The following PARP14 variants were observed in gnomAD, a reference collection of about 807,000 sequenced individuals.
The protein encoded by PARP14 is poly(ADP-ribose) polymerase family member 14.
PARP14 carries 59 observed loss-of-function variants against 154.2 expected under a neutral mutation model. The ratio of observed to expected loss-of-function variants is 0.38; its 90% CI spans 0.31 to 0.48. The LOEUF is 0.48. Ranked by LOEUF, PARP14 falls within the 20% of genes least tolerant of loss-of-function variation. The pLI is 0.98. For synonymous variants in PARP14, 720 were observed against 780.5 expected (o/e 0.92, Z 1.29); for missense variants, 1,734 against 2,131.6 (o/e 0.81, Z 3.67).
intron 9 of PARP14, among the ~76,000 whole-genome samples, chr3:122,708,728 T>A (rs562352815): frequency 1.3e-5 from 2 of 152,346 alleles, no homozygotes; most frequent in Admixed American, 1.3e-4. Context: ...TGTGCACTGA[T>A]CTATTTCATA....
intron 3 of PARP14, among the ~76,000 whole-genome samples, chr3:122,690,743 G>A (rs1213989906): frequency 1.3e-5 from 2 of 152,148 alleles, no homozygotes; most frequent in Non-Finnish European, 2.9e-5. Flanking sequence ...AACTCCTGAT[G>A]TCAAGTGATC....
At chr3:122,720,773 C>A in intron 15 of PARP14, 1 of 458,790 alleles carries the variant, frequency 2.2e-6, no homozygotes, top group East Asian at 6.9e-5. Flanking sequence ...ATCAACAGTG[C>A]TTCCTTGATA....
At chr3:122,706,505 AC>A (rs1560069191) in intron 8 of PARP14, among the ~76,000 whole-genome samples, 1 of 152,180 alleles carries the variant, frequency 6.6e-6, no homozygotes, top group Non-Finnish European at 1.5e-5. Flanking sequence ...ATTCACTACA[AC>A]CTAAAACTTC....
intron 16 of PARP14, 133 bp from the exon 17 acceptor site, chr3:122,728,175 A>G (rs1349292611): frequency 2.1e-6 from 2 of 951,930 alleles, no homozygotes; most frequent in South Asian, 1.7e-5. Context: ...AGAAAAATTG[A>G]TGATTAAAAG....
chr3:122,714,882 C>T (rs1274235583), intron 12 of PARP14, among the ~76,000 whole-genome samples: 1 of 152,112 alleles, frequency 6.6e-6, no homozygotes, highest in East Asian at 1.9e-4. Context: ...GGAATATTAC[C>T]AGGCTTCAGC....
rs1021980076 is a variant in PARP14, at chr3:122,718,060, T to G, written c.4001-11T>G. On this transcript the variant is annotated splice_polypyrimidine_tract_variant and intron_variant, in intron 12 of 16. Coordinates refer to ENST00000474629, the MANE Select transcript of PARP14 (RefSeq NM_017554.3). Reference sequence around the variant, plus strand: ...TTTGTCCTTCAGCAATTTTATTATTTGCTTTTCCAGGAAATGCCAAACAAC... The same window carrying G: ...TTTGTCCTTCAGCAATTTTATTATTGGCTTTTCCAGGAAATGCCAAACAAC... The G allele has an allele frequency of 1.2e-6, 2 of 1,611,666 alleles. No homozygotes were observed. The highest frequency in any genetic ancestry group is 1.7e-6 in the Non-Finnish European group (2 of 1,178,106).
At chr3:122,725,305 G>A (rs1371212119) in intron 15 of PARP14, among the ~76,000 whole-genome samples, 1 of 148,922 alleles carries the variant, frequency 6.7e-6, no homozygotes, top group African/African-American at 2.5e-5. Context: ...GGGGCAGCTG[G>A]GCAGAGGTAC....
intron 5 of PARP14, among the ~76,000 whole-genome samples, chr3:122,696,013 G>T (rs938458025): frequency 6.6e-6 from 1 of 152,146 alleles, no homozygotes; most frequent in Non-Finnish European, 1.5e-5. Context: ...TTATGACAAG[G>T]TTAGGTAAAG....
In PARP14 at chr3:122,703,919, C is replaced by A; in HGVS notation, c.3259C>A (p.Arg1087Ser). 6.2e-7 allele frequency: 1 copy of A among 1,613,922 alleles called. No individual in the cohort carries two copies. The highest frequency in any genetic ancestry group is 8.5e-7 in the Non-Finnish European group (1 of 1,179,872). The change falls in exon 7 of 17, where the codon CGC (arginine) becomes AGC (serine). Residue 1087 changes from arginine to serine, a missense_variant. Coordinates refer to ENST00000474629, the MANE Select transcript of PARP14 (RefSeq NM_017554.3). ...LKTSSWNLDC[R>S]YVLHVVAPEW... Reference sequence around the variant, plus strand: ...AACCAGCAGCTGGAATCTGGACTGTCGCTATGTGCTTCACGTGGTAGCTCC... The same window carrying A: ...AACCAGCAGCTGGAATCTGGACTGTAGCTATGTGCTTCACGTGGTAGCTCC...
intron 15 of PARP14, among the ~76,000 whole-genome samples, chr3:122,723,448 T>C (rs1469101404): frequency 2.0e-5 from 3 of 152,242 alleles, no homozygotes; most frequent in African/African-American, 7.2e-5. Flanking sequence ...ATGTATCACA[T>C]TCTGGATCTG....
At position 122,701,112 on chromosome 3, in the gene PARP14, T is replaced by C. The variant is rs1938956695; in HGVS notation, c.2558T>C (p.Val853Ala). 8 of 1,613,732 alleles carry C rather than the reference T, an allele frequency of 5.0e-6. No homozygotes were observed. Among genetic ancestry groups the C allele is most frequent in the Non-Finnish European group, 6.8e-6 (8 of 1,179,882 alleles). Residue 853 changes from valine to alanine, a missense_variant, in exon 6 of 17, where the codon GTG (valine) becomes GCG (alanine). Val to Ala is a moderately conservative substitution (Grantham distance 64). This residue lies in a region of PARP14 where 1,646 missense variants were observed against 1,976.0 expected (regional missense o/e 0.83). Coordinates refer to ENST00000474629, the MANE Select transcript of PARP14 (RefSeq NM_017554.3). This position sits in a 1 kb window ranked among gnomAD's most constrained non-coding sequence, Gnocchi z 4.0. Reference protein sequence around the residue: ...PELQADCDQIVKREGRLLPGN... With the variant: ...PELQADCDQIAKREGRLLPGN... ...CTCCAGGCCGACTGTGACCAGATAGTGAAGAGAGAGGGCAGACTCCTACCG... is the reference window on the plus strand; with the variant it reads ...CTCCAGGCCGACTGTGACCAGATAGCGAAGAGAGAGGGCAGACTCCTACCG...
At chr3:122,707,574 A>G (rs917255315) in intron 8 of PARP14, among the ~76,000 whole-genome samples, 5 of 152,152 alleles carry the variant, frequency 3.3e-5, no homozygotes, top group Admixed American at 3.3e-4. Context: ...GAAGTTCAAG[A>G]CCAGCTTGAG....
chr3:122,684,816 T>C (rs1159681700), intron 1 of PARP14, among the ~76,000 whole-genome samples: 2 of 152,202 alleles, frequency 1.3e-5, no homozygotes, highest in Non-Finnish European at 2.9e-5. Flanking sequence ...AGAATAAATA[T>C]TGCTACCTTT....
rs772009686 is a variant in PARP14, at chr3:122,713,485, C to G, written c.3681C>G (p.Ile1227Met). 8.1e-6 allele frequency: 13 copies of G among 1,611,870 alleles called. No homozygotes were observed. The highest frequency in any genetic ancestry group is 2.2e-5 in the East Asian group (1 of 44,888). ...SGVYEMKIGS[I>M]IFQVASGDIT... ...TGTATGAAATGAAGATTGGCTCCATCATCTTCCAGGTGGCTTCTGGAGATA... is the reference window on the plus strand; with the variant it reads ...TGTATGAAATGAAGATTGGCTCCATGATCTTCCAGGTGGCTTCTGGAGATA... Residue 1227 changes from isoleucine (I) to methionine (M), a missense_variant, in exon 10 of 17, where the codon ATC becomes ATG. Coordinates refer to ENST00000474629, the MANE Select transcript of PARP14 (RefSeq NM_017554.3).
intron 15 of PARP14, among the ~76,000 whole-genome samples, chr3:122,726,938 C>T (rs936266871): frequency 2.4e-5 from 3 of 123,298 alleles, no homozygotes; most frequent in Non-Finnish European, 4.9e-5. Flanking sequence ...ATGTTAATGC[C>T]GAGACTTTGA....
At chr3:122,688,641 G>A (rs1344925998) in intron 3 of PARP14, among the ~76,000 whole-genome samples, 1 of 152,160 alleles carries the variant, frequency 6.6e-6, no homozygotes, top group Non-Finnish European at 1.5e-5. Context: ...TGGGACTCTT[G>A]AAATTAATTG....
intron 16 of PARP14, 87 bp downstream of exon 16, chr3:122,728,073 T>TC: frequency 8.2e-7 from 1 of 1,215,756 alleles, no homozygotes; most frequent in Non-Finnish European, 1.2e-6. Flanking sequence ...TTCATTGTGG[T>TC]CCCCCATCAT....
At position 122,700,060 on chromosome 3, in the gene PARP14, T is replaced by A; in HGVS notation, c.1506T>A (p.Asp502Glu). The A allele has an allele frequency of 6.2e-7, 1 of 1,613,966 alleles. No homozygotes were observed. The highest frequency in any genetic ancestry group is 1.3e-5 in the African/African-American group (1 of 75,058). The change falls in exon 6 of 17, where the codon GAT (aspartate) becomes GAA (glutamate). Residue 502 changes from aspartate (D) to glutamate (E), a missense_variant. Coordinates refer to ENST00000474629, the MANE Select transcript of PARP14 (RefSeq NM_017554.3). ...GCCCAGAGATAGAGATTTGTTACGA[T>A]AGAGTCACTCAACACTTGTGCTTGA... ...TECPEIEICY[D>E]RVTQHLCLKG...
intron 6 of PARP14, among the ~76,000 whole-genome samples, chr3:122,703,443 C>A (rs189987057): frequency 4.6e-5 from 7 of 152,328 alleles, no homozygotes; most frequent in African/African-American, 7.2e-5. Flanking sequence ...AAATTCTTCC[C>A]ATTTCTCAAA....
Sources: allele counts gnomAD v4.1 joint callset (sites outside exome capture counted in the v4.1 genomes callset), GRCh38; gene constraint gnomAD v4.1.1; regional missense constraint gnomAD v4.1.1; non-coding constraint Gnocchi (gnomAD v3.1); transcripts MANE v1.5; gene names NCBI Gene and HGNC (gene_info 2026-07-23, HGNC 2026-07-21).